The following EHMT2 variants were observed in gnomAD, a reference collection of about 807,000 sequenced individuals.
EHMT2 encodes euchromatic histone lysine methyltransferase 2.
Under a neutral mutation model 143.3 loss-of-function variants are expected in EHMT2, and 59 were observed. The observed-to-expected ratio is 0.41, with a 90% confidence interval of 0.33 to 0.51. EHMT2 has a LOEUF of 0.51. Among genes scored for constraint, EHMT2 ranks in the 20% least tolerant of loss-of-function variants. The pLI is 0.18. For missense variants in EHMT2, 1,174 were observed against 1,645.9 expected (o/e 0.71, Z 4.96); for synonymous variants, 604 against 651.5 (o/e 0.93, Z 1.11).
chr6:31,894,714 C>T (rs764376941), intron 4 of EHMT2, among the ~76,000 whole-genome samples: 4 of 152,082 alleles, frequency 2.6e-5, no homozygotes, highest in Non-Finnish European at 5.9e-5. Flanking sequence ...CAGGCTGAAC[C>T]GCAGTGGCGC....
At chr6:31,892,149 G>T (rs1443792838) in intron 7 of EHMT2, among the ~76,000 whole-genome samples, 1 of 152,168 alleles carries the variant, frequency 6.6e-6, no homozygotes, top group East Asian at 1.9e-4. Context: ...GGCTGAGGCA[G>T]GAGAATTGCT....
intron 1 of EHMT2, 130 bp downstream of exon 1, chr6:31,897,505 GC>G: frequency 3.2e-6 from 2 of 621,104 alleles, no homozygotes; most frequent in South Asian, 7.4e-5. Context: ...CCCGGTGCTG[GC>G]CCCCTGGATT....
chr6:31,891,220 C>T (rs1765639380), intron 7 of EHMT2, among the ~76,000 whole-genome samples: 1 of 152,210 alleles, frequency 6.6e-6, no homozygotes, highest in Admixed American at 6.5e-5. Flanking sequence ...ATTGGGATTA[C>T]AGGCGTGAGC....
In EHMT2 at chr6:31,888,959, T is replaced by G; in HGVS notation, c.1216+10A>C. ...CCTAGTGGCTCCCTGTCCCGGCAAT[T>G]GGCAATTACCAGCGTGGTTGGGGGA... On this transcript the variant is annotated intron_variant, in intron 10 of 27. Transcript: ENST00000375537. This position sits in a 1 kb window ranked among gnomAD's most constrained non-coding sequence, Gnocchi z 7.4. 1 of 1,593,814 alleles carries G rather than the reference T, an allele frequency of 6.3e-7. No homozygotes were observed. Among genetic ancestry groups the G allele is most frequent in the African/African-American group, 1.3e-5 (1 of 74,664 alleles).
chr6:31,892,933 C>A, intron 4 of EHMT2, 23 bp from the exon 5 acceptor site: 1 of 1,526,480 alleles, frequency 6.6e-7, no homozygotes, highest in Non-Finnish European at 8.8e-7. Flanking sequence ...AGGGAGCACA[C>A]TGAGGGTCAG....
chr6:31,891,904 G>A (rs796666776), intron 7 of EHMT2, among the ~76,000 whole-genome samples: 5 of 152,136 alleles, frequency 3.3e-5, no homozygotes, highest in African/African-American at 1.2e-4. Context: ...CCATGTGCAG[G>A]GTGGTGGCCA....
At chr6:31,882,973 G>A (rs1400226757) in exon 24 of EHMT2, 1 of 1,612,960 alleles carries the variant, frequency 6.2e-7, no homozygotes, top group Admixed American at 1.7e-5. Context: ...ATCAGCGGAG[G>A]CTCAATCTTG....
Position 31,881,280 on chromosome 6 carries a change from C to T in EHMT2, c.3198-188G>A, listed in dbSNP as rs1562471867. 1.5e-6 allele frequency: 1 copy of T among 646,160 alleles called. No individual in the cohort carries two copies. Among genetic ancestry groups the T allele is most frequent in the African/African-American group, 1.8e-5 (1 of 55,576 alleles). The allele number at this position is 646,160 out of a possible 1,614,324, so 40.0% of individuals were successfully genotyped here. On this transcript the variant is annotated intron_variant, in intron 25 of 27. Transcript: ENST00000375537. The surrounding 1 kb of genome is among the most constrained non-coding windows in gnomAD (Gnocchi z 4.8). ...AGCATTCCAGCCTTGACAGAGGAAG[C>T]CTTCAGTCAGCACAGAGACAGACAA...
Position 31,880,348 on chromosome 6 carries a change from G to C in EHMT2, c.3453-84C>G. 1 of 1,490,300 alleles carries C rather than the reference G, an allele frequency of 6.7e-7. No homozygotes were observed. Among genetic ancestry groups the C allele is most frequent in the South Asian group, 1.2e-5 (1 of 81,494 alleles). The allele number at this position is 1,490,300 out of a possible 1,614,324, so 92.3% of individuals were successfully genotyped here. On this transcript the variant is annotated intron_variant, in intron 27 of 27. Transcript: ENST00000375537. This position sits in a 1 kb window ranked among gnomAD's most constrained non-coding sequence, Gnocchi z 6.6. The stretch of plus-strand genomic sequence containing the variant: ...GAAGACCCTGTGGATCCTGCTCCCT[G>C]AGAGGGACCCGACACCCAACCTATC...
chr6:31,883,454 C>T lies in EHMT2; in HGVS notation c.2917-15G>A, dbSNP rs1259400959. 1.2e-6 allele frequency: 2 copies of T among 1,609,554 alleles called. No individual in the cohort carries two copies. The highest frequency in any genetic ancestry group is 1.3e-5 in the African/African-American group (1 of 74,838). On this transcript the variant is annotated splice_polypyrimidine_tract_variant and intron_variant, in intron 22 of 27. Coordinates refer to ENST00000375537, the Ensembl canonical transcript of EHMT2. This position sits in a 1 kb window ranked among gnomAD's most constrained non-coding sequence, Gnocchi z 5.6. ...CACGTGCAGTGCTGGGGCGAGGAGG[C>T]AGAGGTCAGCTCAACCCCATGATCG...
chr6:31,882,670 C>T (rs767120791), intron 25 of EHMT2, 29 bp downstream of exon 25: 9 of 1,603,570 alleles, frequency 5.6e-6, no homozygotes, highest in Middle Eastern at 1.7e-4. Flanking sequence ...CCCTTCCCAC[C>T]AGGTGTTAAG....
At chr6:31,893,075 G>A in intron 4 of EHMT2, 165 bp from the exon 5 acceptor site, 1 of 585,074 alleles carries the variant, frequency 1.7e-6, no homozygotes, top group Non-Finnish European at 3.0e-6. Context: ...TTCCTCAGAG[G>A]AAGAGTGTCA....
Position 31,880,314 on chromosome 6 carries a change from G to A in EHMT2, c.3453-50C>T, listed in dbSNP as rs368753416. The A allele has an allele frequency of 2.5e-6, 4 of 1,585,906 alleles. No homozygotes were observed. The African/African-American group carries it at 5.4e-5, about 21-fold the overall frequency. On this transcript the variant is annotated intron_variant, in intron 27 of 27. Coordinates refer to ENST00000375537, the Ensembl canonical transcript of EHMT2. The surrounding 1 kb of genome is among the most constrained non-coding windows in gnomAD (Gnocchi z 6.6). The stretch of plus-strand genomic sequence containing the variant: ...TGGGACCTGGACCCAGCCACCAAGA[G>A]CCCACCCCGAAGACCCTGTGGATCC...
At chr6:31,887,079 G>C in exon 16 of EHMT2, 1 of 1,610,014 alleles carries the variant, frequency 6.2e-7, no homozygotes. Flanking sequence ...GGTCGCTCTG[G>C]AAGTTGGGGT....
chr6:31,893,292 A>G, intron 4 of EHMT2: 2 of 453,986 alleles, frequency 4.4e-6, no homozygotes, highest in East Asian at 1.1e-4. Context: ...ATTTATACAC[A>G]ATGGAATAAC....
At chr6:31,882,700 C>T (rs754099039) in exon 25 of EHMT2, 3 of 1,612,054 alleles carry the variant, frequency 1.9e-6, no homozygotes, top group Non-Finnish European at 2.5e-6. Context: ...GTGACTTACT[C>T]GCAGATGAAG....
chr6:31,889,598 T>G lies in EHMT2; in HGVS notation c.869A>C (p.Glu290Ala), dbSNP rs563393492. 1.2e-6 allele frequency: 2 copies of G among 1,610,570 alleles called. No homozygotes were observed. The highest frequency in any genetic ancestry group is 3.3e-5 in the Admixed American group (2 of 59,988). The change falls in exon 8 of 28, where the codon GAA becomes GCA. Residue 290 changes from glutamate (E) to alanine (A), a missense_variant. Glu to Ala is a moderately radical substitution (Grantham distance 107). Around this residue, in one of 6 missense-constraint regions of EHMT2, gnomAD observed 399 missense variants for 404.4 expected, o/e 0.99. Coordinates refer to ENST00000375537, the Ensembl canonical transcript of EHMT2. The surrounding 1 kb of genome is among the most constrained non-coding windows in gnomAD (Gnocchi z 5.1). ...TAGTTGTTCAGTTAGAGCTTCAACT[T>G]CAGACTGGGAGAGAGGCAGAACAGA...
chr6:31,882,459 G>T (rs1562474602), intron 25 of EHMT2, among the ~76,000 whole-genome samples: 1 of 151,456 alleles, frequency 6.6e-6, no homozygotes, highest in Non-Finnish European at 1.5e-5. Context: ...GGAGGGGAGG[G>T]AAGACAAGCT....
intron 4 of EHMT2, 153 bp downstream of exon 4, chr6:31,896,110 G>C: frequency 9.1e-7 from 1 of 1,094,618 alleles, no homozygotes; most frequent in Non-Finnish European, 1.3e-6. Flanking sequence ...CTGTCTGTTG[G>C]TTCACAGATC....
Sources: allele counts gnomAD v4.1 joint callset (sites outside exome capture counted in the v4.1 genomes callset), GRCh38; gene constraint gnomAD v4.1.1; regional missense constraint gnomAD v4.1.1; non-coding constraint Gnocchi (gnomAD v3.1); transcripts MANE v1.5; gene names NCBI Gene and HGNC (gene_info 2026-07-23, HGNC 2026-07-21).